Variants in RNGTT observed in about 807,000 individuals in gnomAD.
RNGTT encodes the protein mRNA-capping enzyme.
Under a neutral mutation model 79.3 loss-of-function variants are expected in RNGTT, and 33 were observed. The ratio of observed to expected loss-of-function variants is 0.42; its 90% confidence interval spans 0.32 to 0.56. RNGTT has a LOEUF of 0.56. Ranked by LOEUF, RNGTT falls within the 20% of genes least tolerant of loss-of-function variation. The pLI is 0.17. For missense variants in RNGTT, 497 were observed against 739.1 expected (o/e 0.67, Z 3.80); for synonymous variants, 222 against 235.9 (o/e 0.94, Z 0.54).
chr6:88,764,329 C>T (rs995375447), intron 13 of RNGTT, among the ~76,000 whole-genome samples: 1 of 152,156 alleles, frequency 6.6e-6, no homozygotes, highest in Non-Finnish European at 1.5e-5. Flanking sequence ...CATCACACAA[C>T]TATGTGTGAA....
chr6:88,935,246 C>T (rs1425840648), intron 2 of RNGTT, among the ~76,000 whole-genome samples: 1 of 152,102 alleles, frequency 6.6e-6, no homozygotes, highest in African/African-American at 2.4e-5. Context: ...TAAATGCATG[C>T]ATTTATTTCT....
chr6:88,724,472 G>A (rs775908563), intron 13 of RNGTT, among the ~76,000 whole-genome samples: 7 of 152,152 alleles, frequency 4.6e-5, no homozygotes, highest in Non-Finnish European at 7.3e-5. Context: ...TAGCCTAGGT[G>A]TGTGGTAGGT....
chr6:88,839,312 T>C lies in RNGTT; in HGVS notation c.1269+5045A>G, dbSNP rs1341279744. ...CATGCTGGTCATGGTGTCTCATGCCTGTAATCTCAACACTTTGGGAGGCCG... is the reference window on the plus strand; with the variant it reads ...CATGCTGGTCATGGTGTCTCATGCCCGTAATCTCAACACTTTGGGAGGCCG... On this transcript the variant is annotated intron_variant, in intron 11 of 15. Coordinates refer to ENST00000369485, the MANE Select transcript of RNGTT (RefSeq NM_003800.5). 3.9e-5 allele frequency among the ~76,000 whole-genome samples: 6 copies of C among 152,170 alleles called. No homozygotes were observed. In the East Asian group the frequency reaches 1.2e-3, roughly 29 times the overall value.
chr6:88,911,644 G>C (rs1783833053), intron 4 of RNGTT, among the ~76,000 whole-genome samples: 1 of 151,998 alleles, frequency 6.6e-6, no homozygotes, highest in Non-Finnish European at 1.5e-5. Context: ...ACTTCCTCCT[G>C]GATGACTTTT....
chr6:88,727,003 G>A (rs752090217), intron 13 of RNGTT, among the ~76,000 whole-genome samples: 75 of 105,324 alleles, frequency 7.1e-4, no homozygotes, highest in Middle Eastern at 6.4e-3. Context: ...AAAAAGGGGT[G>A]GGGGGGGAGA....
chr6:88,787,769 G>A (rs1779280450), intron 12 of RNGTT, among the ~76,000 whole-genome samples: 1 of 152,122 alleles, frequency 6.6e-6, no homozygotes, highest in South Asian at 2.1e-4. Context: ...GGCAATGAAT[G>A]ACAAACTGGA....
At chr6:88,892,072 C>T (rs1783068940) in intron 6 of RNGTT, among the ~76,000 whole-genome samples, 157 bp from the exon 7 acceptor site, 1 of 152,022 alleles carries the variant, frequency 6.6e-6, no homozygotes, top group Non-Finnish European at 1.5e-5. Flanking sequence ...ATAAACTCCC[C>T]TAAGATTGTA....
chr6:88,646,252 T>G (rs997709743), intron 14 of RNGTT, among the ~76,000 whole-genome samples: 4 of 152,200 alleles, frequency 2.6e-5, no homozygotes, highest in African/African-American at 9.7e-5. Context: ...AACATGCTCA[T>G]CACTGGCAAT....
chr6:88,859,308 T>C (rs913586417), intron 8 of RNGTT, among the ~76,000 whole-genome samples: 1 of 151,822 alleles, frequency 6.6e-6, no homozygotes, highest in Non-Finnish European at 1.5e-5. Flanking sequence ...ATACAGCACA[T>C]TGGTTACAAA....
intron 14 of RNGTT, among the ~76,000 whole-genome samples, chr6:88,666,581 C>T (rs766168860): frequency 4.6e-5 from 7 of 152,184 alleles, no homozygotes; most frequent in African/African-American, 1.7e-4. Context: ...CAATGAACCC[C>T]GCCACTGCTT....
At chr6:88,803,877 G>A (rs1241889424) in intron 11 of RNGTT, among the ~76,000 whole-genome samples, 1 of 152,070 alleles carries the variant, frequency 6.6e-6, no homozygotes, top group Non-Finnish European at 1.5e-5. Flanking sequence ...TCTACCTGCT[G>A]CAGAAATGAA....
chr6:88,804,116 T>C (rs896950308), intron 11 of RNGTT, among the ~76,000 whole-genome samples: 4 of 152,216 alleles, frequency 2.6e-5, no homozygotes, highest in Admixed American at 1.3e-4. Context: ...ATGAGATGTG[T>C]ATTCTCAAGT....
At chr6:88,768,588 A>G (rs1339177466) in intron 13 of RNGTT, among the ~76,000 whole-genome samples, 2 of 152,216 alleles carry the variant, frequency 1.3e-5, no homozygotes, top group African/African-American at 4.8e-5. Context: ...TCCATCAGCT[A>G]GCAAAAATGC....
At chr6:88,619,623 A>C (rs980920481) in intron 14 of RNGTT, among the ~76,000 whole-genome samples, 4 of 152,182 alleles carry the variant, frequency 2.6e-5, no homozygotes, top group Admixed American at 1.3e-4. Flanking sequence ...GTGTGGAATG[A>C]ATATATGAGA....
At chr6:88,903,060 G>A (rs1783527234) in intron 6 of RNGTT, among the ~76,000 whole-genome samples, 1 of 152,084 alleles carries the variant, frequency 6.6e-6, no homozygotes, top group Non-Finnish European at 1.5e-5. Flanking sequence ...ATGGGTTGGG[G>A]TAATAGAAGA....
intron 1 of RNGTT, among the ~76,000 whole-genome samples, chr6:88,959,188 T>C (rs991709064): frequency 2.1e-5 from 3 of 145,732 alleles, no homozygotes; most frequent in African/African-American, 7.6e-5. Flanking sequence ...AATGATATAA[T>C]GGACTTTGGG....
At chr6:88,734,275 T>C (rs1301602055) in intron 13 of RNGTT, among the ~76,000 whole-genome samples, 1 of 152,116 alleles carries the variant, frequency 6.6e-6, no homozygotes, top group African/African-American at 2.4e-5. Context: ...CTTGTAAATG[T>C]ATATTGCAAA....
At chr6:88,665,425 C>T (rs904352662) in intron 14 of RNGTT, among the ~76,000 whole-genome samples, 3 of 152,146 alleles carry the variant, frequency 2.0e-5, no homozygotes, top group Non-Finnish European at 4.4e-5. Flanking sequence ...TGGAACACCC[C>T]CCTCCTACCT....
At chr6:88,614,507 G>T in intron 14 of RNGTT, 112 bp from the exon 15 acceptor site, 1 of 985,698 alleles carries the variant, frequency 1.0e-6, no homozygotes, top group Non-Finnish European at 1.5e-6. Flanking sequence ...AACTCTTCAT[G>T]CAGAGAGCTC....
Sources: allele counts gnomAD v4.1 joint callset (sites outside exome capture counted in the v4.1 genomes callset), GRCh38; gene constraint gnomAD v4.1.1; transcripts MANE v1.5; gene names NCBI Gene and HGNC (gene_info 2026-07-23, HGNC 2026-07-21).